Variants in BCL7C observed in about 807,000 individuals in gnomAD.
The protein encoded by BCL7C is B-cell CLL/lymphoma 7 protein family member C.
In BCL7C, 8 loss-of-function variants were observed where a neutral mutation model predicts 26.2. The ratio of observed to expected loss-of-function variants is 0.30; its 90% CI spans 0.18 to 0.55. The LOEUF is 0.55. Ranked by LOEUF, BCL7C falls within the 20% of genes least tolerant of loss-of-function variation. The probability of loss-of-function intolerance (pLI) is 0.93; values close to 1 mark genes in which losing one functional copy is unlikely to be tolerated. For missense variants in BCL7C, 262 were observed against 298.5 expected (o/e 0.88, Z 0.90); for synonymous variants, 90 against 116.5 (o/e 0.77, Z 1.47).
chr16:30,851,325 C>T (rs2054672816), intron 5 of BCL7C: 2 of 197,926 alleles, frequency 1.0e-5, no homozygotes, highest in South Asian at 1.8e-4. Flanking sequence ...ATCGCAACCT[C>T]CACCTTCCGG....
intron 5 of BCL7C, among the ~76,000 whole-genome samples, chr16:30,845,764 A>G (rs2054630642): frequency 6.7e-6 from 1 of 149,934 alleles, no homozygotes. Context: ...CCCAGGCTGG[A>G]GTACAGTGGT....
intron 5 of BCL7C, among the ~76,000 whole-genome samples, 153 bp from the exon 6 acceptor site, chr16:30,888,143 C>T (rs2055165249): frequency 6.6e-6 from 1 of 152,114 alleles, no homozygotes; most frequent in South Asian, 2.1e-4. Flanking sequence ...GAAGCAGGCA[C>T]CAAAAACAAC....
chr16:30,855,271 C>CTCTGT (rs764561526), intron 5 of BCL7C, among the ~76,000 whole-genome samples: 17 of 152,146 alleles, frequency 1.1e-4, no homozygotes, highest in Admixed American at 5.2e-4. Context: ...TGGAGTCTCC[C>CTCTGT]TCTGTTGCTC....
intron 5 of BCL7C, among the ~76,000 whole-genome samples, chr16:30,863,176 TG>T (rs1201716755): frequency 6.6e-6 from 1 of 152,110 alleles, no homozygotes; most frequent in Non-Finnish European, 1.5e-5. Flanking sequence ...TGATCACACT[TG>T]GTTTATTGAC....
Position 30,893,834 on chromosome 16 carries a change from G to T in BCL7C, c.92+19C>A. On this transcript the variant is annotated intron_variant, in intron 1 of 5. Coordinates refer to ENST00000215115, the MANE Select transcript of BCL7C (RefSeq NM_004765.4). This position sits in a 1 kb window ranked among gnomAD's most constrained non-coding sequence, Gnocchi z 5.2. ...GTGGTCCCGCTGTGTCCCGTCCCTG[G>T]CCCCCGAGCAGCGCTCACCATCTCC... The T allele has an allele frequency of 6.3e-7, 1 of 1,596,368 alleles. No homozygotes were observed.
chr16:30,868,222 G>A (rs2054846121), intron 5 of BCL7C, among the ~76,000 whole-genome samples: 1 of 149,562 alleles, frequency 6.7e-6, no homozygotes, highest in Admixed American at 6.7e-5. Context: ...CTGCCTCCTG[G>A]GTTCAAGCGA....
At chr16:30,884,452 C>G (rs1415407678), downstream of BCL7C, among the ~76,000 whole-genome samples, 2 of 150,916 alleles carry the variant, frequency 1.3e-5, no homozygotes, top group Admixed American at 6.6e-5. Context: ...TCAGAATACT[C>G]TCATCAGGCT....
intron 5 of BCL7C, chr16:30,875,391 C>G (rs1307703719): frequency 1.3e-5 from 2 of 152,646 alleles, no homozygotes; most frequent in Non-Finnish European, 2.9e-5. Flanking sequence ...CGGAAGTCCG[C>G]CACCGGCCGC....
At chr16:30,869,957 A>G (rs1405331597) in intron 5 of BCL7C, among the ~76,000 whole-genome samples, 1 of 152,236 alleles carries the variant, frequency 6.6e-6, no homozygotes, top group East Asian at 1.9e-4. Flanking sequence ...CTAAAATTCT[A>G]GAAAAATAGA....
intron 5 of BCL7C, among the ~76,000 whole-genome samples, chr16:30,882,346 A>T (rs1184739044): frequency 3.3e-5 from 5 of 152,164 alleles, no homozygotes; most frequent in Non-Finnish European, 7.4e-5. Context: ...AATAAAGGGA[A>T]TCCTCTGCCC....
exon 6 of BCL7C, chr16:30,835,075 A>G: frequency 5.8e-6 from 9 of 1,547,486 alleles, no homozygotes; most frequent in Non-Finnish European, 7.0e-6. Context: ...CCTCCTGGGC[A>G]GGAGCCTCCT....
chr16:30,893,988 C>T lies in BCL7C; in HGVS notation c.-44G>A, dbSNP rs2055305381. The stretch of plus-strand genomic sequence containing the variant: ...GGGGCCGAGCCCGCGGCGGGGCCGC[C>T]TCCCGTCCGGCGGGCTCAGGCTCCG... On this transcript the variant is annotated 5_prime_UTR_variant, in exon 1 of 6. Coordinates refer to ENST00000215115, the MANE Select transcript of BCL7C (RefSeq NM_004765.4). This position sits in a 1 kb window ranked among gnomAD's most constrained non-coding sequence, Gnocchi z 5.2. 3 of 1,096,256 alleles carry T rather than the reference C, an allele frequency of 2.7e-6. No individual in the cohort carries two copies. The highest frequency in any genetic ancestry group is 2.3e-6 in the Non-Finnish European group (2 of 876,984). 67.9% of individuals were successfully genotyped at this position (1,096,256 alleles called of 1,614,324 possible). A position where few individuals can be genotyped will look rare whatever the true frequency, so the allele number is the denominator to read the frequency against.
At chr16:30,866,402 C>T (rs896818379) in intron 5 of BCL7C, among the ~76,000 whole-genome samples, 14 of 151,838 alleles carry the variant, frequency 9.2e-5, no homozygotes, top group South Asian at 4.2e-4. Context: ...CATGGTGAAA[C>T]GCTGTCTCTA....
chr16:30,861,568 C>CA (rs968993499), intron 5 of BCL7C, among the ~76,000 whole-genome samples: 1 of 152,200 alleles, frequency 6.6e-6, no homozygotes, highest in Non-Finnish European at 1.5e-5. Flanking sequence ...AGAGACCCTG[C>CA]AACTCTGGCC....
intron 5 of BCL7C, among the ~76,000 whole-genome samples, chr16:30,868,284 G>A (rs1295882012): frequency 1.4e-5 from 2 of 147,816 alleles, no homozygotes; most frequent in African/African-American, 2.5e-5. Flanking sequence ...TGTACCACCC[G>A]ACCCGGCTAA....
At chr16:30,841,904 G>A (rs566243141) in intron 5 of BCL7C, among the ~76,000 whole-genome samples, 54 of 132,436 alleles carry the variant, frequency 4.1e-4, no homozygotes, top group African/African-American at 1.4e-3. Context: ...GCAGTGAGCC[G>A]AGATCATGCC....
At chr16:30,887,542 C>A (rs2055152476), downstream of BCL7C, among the ~76,000 whole-genome samples, 1 of 151,358 alleles carries the variant, frequency 6.6e-6, no homozygotes, top group East Asian at 1.9e-4. Flanking sequence ...TTGTTAGGCC[C>A]AGGCGAGGGC....
At chr16:30,892,060 A>G (rs2055248583) in intron 4 of BCL7C, among the ~76,000 whole-genome samples, 1 of 151,974 alleles carries the variant, frequency 6.6e-6, no homozygotes. Flanking sequence ...TGAGCAAGTG[A>G]GTTTGAGACC....
At chr16:30,843,605 A>G (rs2054616036) in intron 5 of BCL7C, among the ~76,000 whole-genome samples, 1 of 151,978 alleles carries the variant, frequency 6.6e-6, no homozygotes, top group East Asian at 1.9e-4. Flanking sequence ...GGATTCTTCT[A>G]TTGGTGTTTG....
Sources: allele counts gnomAD v4.1 joint callset (sites outside exome capture counted in the v4.1 genomes callset), GRCh38; gene constraint gnomAD v4.1.1; non-coding constraint Gnocchi (gnomAD v3.1); transcripts MANE v1.5; gene names NCBI Gene and HGNC (gene_info 2026-07-23, HGNC 2026-07-21).